The following STK39 variants were observed in gnomAD, a reference collection of about 807,000 sequenced individuals.
STK39 encodes the protein STE20/SPS1-related proline-alanine-rich protein kinase.
STK39 carries 20 observed loss-of-function variants against 77.8 expected under a neutral mutation model. That is an observed-to-expected ratio of 0.26 (90% confidence interval 0.18 to 0.37). The LOEUF is 0.37. Among genes scored for constraint, STK39 ranks in the 10% least tolerant of loss-of-function variants. The probability of loss-of-function intolerance (pLI) is 1.00; values close to 1 mark genes in which losing one functional copy is unlikely to be tolerated. For synonymous variants in STK39, 246 were observed against 234.1 expected (o/e 1.05, Z -0.47); for missense variants, 479 against 656.5 (o/e 0.73, Z 2.95).
chr2:167,991,761 C>G (rs1683705565), intron 16 of STK39, among the ~76,000 whole-genome samples: 1 of 152,164 alleles, frequency 6.6e-6, no homozygotes, highest in Non-Finnish European at 1.5e-5. Context: ...TATATGACTT[C>G]CCCTCCCTTA....
chr2:168,221,697 T>C (rs1574568711), intron 1 of STK39, among the ~76,000 whole-genome samples: 1 of 152,160 alleles, frequency 6.6e-6, no homozygotes, highest in African/African-American at 2.4e-5. Flanking sequence ...ATCATTTCCC[T>C]GTTTGTTTCT....
intron 14 of STK39, among the ~76,000 whole-genome samples, chr2:168,022,681 T>C (rs1684598997): frequency 6.6e-6 from 1 of 152,214 alleles, no homozygotes; most frequent in Non-Finnish European, 1.5e-5. Context: ...AGGGCAAATA[T>C]AAAATATAAC....
At chr2:168,114,824 G>A (rs545702340) in intron 10 of STK39, among the ~76,000 whole-genome samples, 3 of 152,226 alleles carry the variant, frequency 2.0e-5, no homozygotes, top group African/African-American at 4.8e-5. Context: ...TGAAAACGGC[G>A]TGGTCTTACT....
intron 10 of STK39, among the ~76,000 whole-genome samples, chr2:168,097,592 G>A (rs1284556276): frequency 2.6e-5 from 4 of 152,082 alleles, no homozygotes; most frequent in African/African-American, 4.8e-5. Flanking sequence ...ATAATTAGCC[G>A]TGCATGATGG....
At chr2:168,057,496 T>C (rs923136121) in intron 14 of STK39, among the ~76,000 whole-genome samples, 3 of 152,166 alleles carry the variant, frequency 2.0e-5, no homozygotes, top group Admixed American at 6.6e-5. Context: ...CCTGGCCCTC[T>C]ATGAATGTTT....
At chr2:168,006,722 G>T (rs1180260658) in intron 16 of STK39, among the ~76,000 whole-genome samples, 14 of 152,238 alleles carry the variant, frequency 9.2e-5, no homozygotes, top group Non-Finnish European at 1.0e-4. Flanking sequence ...CTTATCAACG[G>T]CTATTTACAC....
chr2:168,087,683 C>A (rs1446373564), intron 10 of STK39, among the ~76,000 whole-genome samples: 5 of 152,188 alleles, frequency 3.3e-5, no homozygotes, highest in Non-Finnish European at 7.4e-5. Context: ...CTTTATAGGT[C>A]TCTCCTACTG....
At chr2:167,982,621 T>A (rs1683449915) in intron 16 of STK39, among the ~76,000 whole-genome samples, 1 of 152,228 alleles carries the variant, frequency 6.6e-6, no homozygotes, top group South Asian at 2.1e-4. Context: ...GGAGCTAGAC[T>A]GAGGCTCCTT....
intron 14 of STK39, among the ~76,000 whole-genome samples, chr2:168,040,090 A>G (rs1559069078): frequency 6.6e-6 from 1 of 151,858 alleles, no homozygotes; most frequent in Non-Finnish European, 1.5e-5. Context: ...TCAACACCGC[A>G]CTCCGATCTA....
chr2:167,982,205 A>G (rs1574364565), intron 16 of STK39, among the ~76,000 whole-genome samples: 1 of 152,236 alleles, frequency 6.6e-6, no homozygotes, highest in East Asian at 1.9e-4. Flanking sequence ...CTATTTATTT[A>G]TTTTCTTGAT....
intron 17 of STK39, among the ~76,000 whole-genome samples, chr2:167,962,308 C>T (rs1254633925): frequency 6.6e-6 from 1 of 152,162 alleles, no homozygotes; most frequent in East Asian, 1.9e-4. Flanking sequence ...ACATTTGAAT[C>T]TCTGCAGTTT....
chr2:168,063,233 G>A (rs1248283930), intron 14 of STK39, among the ~76,000 whole-genome samples: 1 of 152,034 alleles, frequency 6.6e-6, no homozygotes, highest in Non-Finnish European at 1.5e-5. Flanking sequence ...AAAAATCTAA[G>A]AAGGAAAAGG....
At position 168,247,298 on chromosome 2, in the gene STK39, G is replaced by A. The variant is rs1180974850; in HGVS notation, c.138C>T (p.Ala46=). ...APAAPAAPAP[A]PAPAAQAVGW... is the part of the protein sequence containing the mutation. ...CGACAGCCTGTGCCGCCGGGGCCGG[G>A]GCCGGGGCCGGGGCCGCGGGAGCTG... The change falls in exon 1 of 18, where the codon GCC becomes GCT. Residue 46 remains alanine (A), a synonymous_variant. Transcript: ENST00000355999. The A allele has an allele frequency of 9.7e-7, 1 of 1,030,766 alleles. No homozygotes were observed. Among genetic ancestry groups the A allele is most frequent in the East Asian group, 6.0e-5 (1 of 16,578 alleles). The allele number at this position is 1,030,766 out of a possible 1,614,324, so 63.9% of individuals were successfully genotyped here.
intron 1 of STK39, among the ~76,000 whole-genome samples, chr2:168,246,395 A>G (rs2105289101): frequency 6.6e-6 from 1 of 152,346 alleles, no homozygotes; most frequent in African/African-American, 2.4e-5. Flanking sequence ...ATAAGGTGAT[A>G]TTTGTGAGCC....
intron 16 of STK39, among the ~76,000 whole-genome samples, chr2:167,972,605 A>G (rs1227939167): frequency 6.6e-6 from 1 of 152,162 alleles, no homozygotes; most frequent in Admixed American, 6.5e-5. Flanking sequence ...GAACCATCTT[A>G]AATTTTCCTT....
At chr2:168,069,885 A>G (rs1559082214) in intron 12 of STK39, among the ~76,000 whole-genome samples, 1 of 152,218 alleles carries the variant, frequency 6.6e-6, no homozygotes, top group Non-Finnish European at 1.5e-5. Context: ...AAAGAGTGTT[A>G]CTTTAATAGA....
intron 2 of STK39, among the ~76,000 whole-genome samples, chr2:168,168,629 T>C (rs887728214): frequency 6.6e-6 from 1 of 152,218 alleles, no homozygotes; most frequent in African/African-American, 2.4e-5. Context: ...AGATCCTATA[T>C]ATCCGACAAC....
chr2:168,109,314 T>C (rs988256067), intron 10 of STK39, among the ~76,000 whole-genome samples: 2 of 152,220 alleles, frequency 1.3e-5, no homozygotes, highest in East Asian at 1.9e-4. Flanking sequence ...CATCACTTAG[T>C]GTTATTTTTT....
intron 1 of STK39, among the ~76,000 whole-genome samples, chr2:168,210,173 C>T (rs1198983757): frequency 6.6e-6 from 1 of 152,114 alleles, no homozygotes; most frequent in Non-Finnish European, 1.5e-5. Context: ...ATAAAATAGG[C>T]ATATATGTGC....
Sources: gnomAD v4.1 joint callset for allele counts (sites outside exome capture counted in the v4.1 genomes callset) on GRCh38, gnomAD v4.1.1 for gene constraint, MANE v1.5 for transcripts, NCBI Gene and HGNC (gene_info 2026-07-23, HGNC 2026-07-21) for gene names.